Variants in KAZN observed in about 807,000 individuals in gnomAD.
KAZN encodes the protein kazrin, periplakin interacting protein.
Under a neutral mutation model 87.4 loss-of-function variants are expected in KAZN, and 40 were observed. The observed-to-expected ratio is 0.46, with a 90% CI of 0.36 to 0.60. The LOEUF (loss-of-function observed/expected upper bound fraction) is 0.60, where lower values mean the gene tolerates loss of function less well. KAZN is among the 20% of genes least tolerant of loss of function. The pLI is 0.00. For missense variants in KAZN, 898 were observed against 1,073.9 expected (o/e 0.84, Z 2.29); for synonymous variants, 466 against 458.3 (o/e 1.02, Z -0.22).
chr1:14,218,403 T>C (rs533955463), intron 2 of KAZN, among the ~76,000 whole-genome samples: 131 of 152,274 alleles, frequency 8.6e-4, no homozygotes, highest in African/African-American at 2.9e-3. Context: ...TGAAATACTA[T>C]TTCCCACTAA....
intron 1 of KAZN, among the ~76,000 whole-genome samples, chr1:14,883,648 A>T (rs1436837499): frequency 1.3e-5 from 2 of 151,998 alleles, no homozygotes; most frequent in Non-Finnish European, 2.9e-5. Flanking sequence ...ACAATATTGG[A>T]TCTAATTTCA....
At chr1:14,351,739 T>C (rs1658565158) in intron 2 of KAZN, among the ~76,000 whole-genome samples, 2 of 152,208 alleles carry the variant, frequency 1.3e-5, no homozygotes, top group African/African-American at 4.8e-5. Context: ...CTCTCACTTC[T>C]GAGCTCTACC....
chr1:13,900,374 C>A (rs1469313847), intron 1 of KAZN, among the ~76,000 whole-genome samples: 22 of 152,178 alleles, frequency 1.4e-4, no homozygotes, highest in Non-Finnish European at 2.9e-5. Flanking sequence ...GTAAAGTATC[C>A]CCTACCAGCC....
intron 1 of KAZN, among the ~76,000 whole-genome samples, chr1:14,744,080 G>T (rs575382410): frequency 3.3e-5 from 5 of 152,322 alleles, no homozygotes; most frequent in African/African-American, 1.2e-4. Flanking sequence ...ATTGCTTGTT[G>T]AGGGGAGACG....
At chr1:14,056,778 T>G (rs1642578222) in intron 1 of KAZN, among the ~76,000 whole-genome samples, 1 of 152,160 alleles carries the variant, frequency 6.6e-6, no homozygotes, top group Admixed American at 6.5e-5. Context: ...GAAATGGCCT[T>G]TTTTTAGACA....
chr1:14,194,333 G>A (rs1466487254), intron 2 of KAZN, among the ~76,000 whole-genome samples: 4 of 152,174 alleles, frequency 2.6e-5, no homozygotes, highest in African/African-American at 9.7e-5. Context: ...TTGGCTCAGT[G>A]TGGCAAACCT....
intron 2 of KAZN, among the ~76,000 whole-genome samples, chr1:14,207,539 T>C (rs1296124647): frequency 6.6e-6 from 1 of 152,186 alleles, no homozygotes; most frequent in Non-Finnish European, 1.5e-5. Context: ...CACTCACCTA[T>C]TTTGTCTTTA....
chr1:14,008,630 A>G (rs1313008553), intron 1 of KAZN, among the ~76,000 whole-genome samples: 1 of 152,222 alleles, frequency 6.6e-6, no homozygotes, highest in Admixed American at 6.5e-5. Flanking sequence ...CACACATAAA[A>G]TCAGATGACT....
intron 8 of KAZN, among the ~76,000 whole-genome samples, chr1:15,083,948 C>T (rs1324144504): frequency 6.6e-6 from 1 of 152,220 alleles, no homozygotes; most frequent in African/African-American, 2.4e-5. Context: ...AGAGCTCCCA[C>T]ACTAGCCTGC....
chr1:14,335,897 A>G (rs1657230946), intron 2 of KAZN, among the ~76,000 whole-genome samples: 1 of 152,190 alleles, frequency 6.6e-6, no homozygotes, highest in Non-Finnish European at 1.5e-5. Flanking sequence ...AGAATACCAG[A>G]GCTGGGGACC....
chr1:14,962,949 G>C (rs1264167347), intron 2 of KAZN, among the ~76,000 whole-genome samples: 1 of 152,026 alleles, frequency 6.6e-6, no homozygotes, highest in Non-Finnish European at 1.5e-5. Flanking sequence ...GTACAACCTA[G>C]CCTCTCCATT....
intron 1 of KAZN, among the ~76,000 whole-genome samples, chr1:14,685,010 C>T (rs1640871606): frequency 6.6e-6 from 1 of 152,292 alleles, no homozygotes; most frequent in African/African-American, 2.4e-5. Context: ...CCATATTGTC[C>T]TATGTGCTCC....
chr1:14,135,874 C>T (rs1005279098), intron 1 of KAZN, among the ~76,000 whole-genome samples: 1 of 152,184 alleles, frequency 6.6e-6, no homozygotes, highest in Non-Finnish European at 1.5e-5. Flanking sequence ...GAACTATCCT[C>T]TATAATTTTG....
chr1:14,627,736 T>A (rs919649931), intron 1 of KAZN, among the ~76,000 whole-genome samples: 1 of 152,174 alleles, frequency 6.6e-6, no homozygotes, highest in Non-Finnish European at 1.5e-5. Context: ...AGGGTATTCA[T>A]GTTCTGGGTA....
intron 1 of KAZN, among the ~76,000 whole-genome samples, chr1:13,955,375 A>G (rs1316187335): frequency 3.9e-5 from 6 of 152,154 alleles, no homozygotes; most frequent in African/African-American, 1.4e-4. Flanking sequence ...AGTGGCCTCA[A>G]GTTTTTATAT....
At chr1:14,809,668 A>G (rs1214438227) in intron 1 of KAZN, among the ~76,000 whole-genome samples, 1 of 152,244 alleles carries the variant, frequency 6.6e-6, no homozygotes, top group Non-Finnish European at 1.5e-5. Flanking sequence ...GGTAGGCAGA[A>G]TAAGCTTTAC....
intron 2 of KAZN, among the ~76,000 whole-genome samples, chr1:14,583,593 G>A (rs755274136): frequency 2.0e-5 from 3 of 152,306 alleles, no homozygotes; most frequent in African/African-American, 4.8e-5. Context: ...ACTGGCCCAA[G>A]GCTGGTTCCT....
intron 2 of KAZN, among the ~76,000 whole-genome samples, chr1:14,542,175 G>A (rs1672851162): frequency 6.6e-6 from 1 of 151,670 alleles, no homozygotes; most frequent in South Asian, 2.1e-4. Context: ...CCACCAAAAA[G>A]AACTAGGGTA....
At chr1:14,183,133 C>T (rs1352902988) in intron 2 of KAZN, among the ~76,000 whole-genome samples, 2 of 152,132 alleles carry the variant, frequency 1.3e-5, no homozygotes, top group Admixed American at 6.6e-5. Context: ...AATGCATAAT[C>T]GATTCAAGTC....
Sources: gnomAD v4.1 joint callset for allele counts (sites outside exome capture counted in the v4.1 genomes callset) on GRCh38, gnomAD v4.1.1 for gene constraint, MANE v1.5 for transcripts, NCBI Gene and HGNC (gene_info 2026-07-23, HGNC 2026-07-21) for gene names.